The following TENM3 variants were observed in gnomAD, a reference collection of about 807,000 sequenced individuals.
TENM3 encodes the protein teneurin-3.
Under a neutral mutation model 255.1 loss-of-function variants are expected in TENM3, and 63 were observed. The ratio of observed to expected loss-of-function variants is 0.25; its 90% CI spans 0.20 to 0.30. The LOEUF is 0.30. Among genes scored for constraint, TENM3 ranks in the 10% least tolerant of loss-of-function variants. The pLI, the probability that TENM3 is intolerant of heterozygous loss-of-function variation, is 1.00. For synonymous variants in TENM3, 1,306 were observed against 1,322.3 expected, an observed-to-expected ratio of 0.99 and a Z score of 0.27; for missense variants, 2,929 against 3,461.1, an observed-to-expected ratio of 0.85 and a Z score of 3.86.
At chr4:182,654,615 G>T (rs1753603319) in intron 6 of TENM3, among the ~76,000 whole-genome samples, 1 of 152,014 alleles carries the variant, frequency 6.6e-6, no homozygotes, top group Non-Finnish European at 1.5e-5. Context: ...TCCTGATGAA[G>T]ACGCCTTTTT....
the TENM3 span, among the ~76,000 whole-genome samples, chr4:181,457,220 CTTAATAT>C: frequency 1.3e-5 from 2 of 151,688 alleles, no homozygotes; most frequent in African/African-American, 2.4e-5. Flanking sequence ...TTAATAATTT[CTTAATAT>C]TTAATAACAT....
At chr4:181,718,557 A>G in the TENM3 span, among the ~76,000 whole-genome samples, 1 of 152,346 alleles carries the variant, frequency 6.6e-6, no homozygotes, top group African/African-American at 2.4e-5. Context: ...GATGAAAGCC[A>G]GGATTTGAAT....
intron 5 of TENM3, among the ~76,000 whole-genome samples, chr4:182,633,645 C>T (rs1271391567): frequency 1.3e-5 from 2 of 152,312 alleles, no homozygotes; most frequent in South Asian, 2.1e-4. Context: ...CTGTGCCGGG[C>T]GCTGTTCTAG....
chr4:182,778,674 A>T (rs1764892650), intron 24 of TENM3, among the ~76,000 whole-genome samples: 1 of 152,192 alleles, frequency 6.6e-6, no homozygotes, highest in Non-Finnish European at 1.5e-5. Context: ...CAGAGGGAAG[A>T]TTATAGCTGC....
intron 13 of TENM3, among the ~76,000 whole-genome samples, chr4:182,715,252 G>A (rs1416253200): frequency 1.3e-5 from 2 of 152,186 alleles, no homozygotes; most frequent in Admixed American, 1.3e-4. Context: ...CCGGGCCTCT[G>A]TGGACACTTG....
the TENM3 span, among the ~76,000 whole-genome samples, chr4:181,860,761 A>G: frequency 6.6e-6 from 1 of 152,216 alleles, no homozygotes; most frequent in Non-Finnish European, 1.5e-5. Context: ...GCTGCTAATC[A>G]TTGGCTCCAA....
At chr4:181,794,133 C>A in the TENM3 span, among the ~76,000 whole-genome samples, 1 of 152,040 alleles carries the variant, frequency 6.6e-6, no homozygotes, top group Non-Finnish European at 1.5e-5. Context: ...ATTTTTCCCC[C>A]AGCTTTACTG....
rs1332851245 is a variant in TENM3 at position 182,755,196 on chromosome 4, A to C, written c.4829A>C (p.Tyr1610Ser). The C allele has an allele frequency of 6.2e-7, 1 of 1,612,706 alleles. No homozygotes were observed. Among genetic ancestry groups the C allele is most frequent in the Admixed American group, 1.7e-5 (1 of 60,010 alleles). ...AQGLELVLFT[Y>S]HGNSGLLATK... ...GGACTGGAATTAGTTTTGTTTACTTACCATGGCAATAGTGGCCTTTTAGCC... is the reference window on the plus strand; with the variant it reads ...GGACTGGAATTAGTTTTGTTTACTTCCCATGGCAATAGTGGCCTTTTAGCC... Residue 1610 changes from tyrosine (Y) to serine (S), a missense_variant, in exon 22 of 28, where the codon TAC (tyrosine) becomes TCC (serine). Tyr to Ser is a moderately radical substitution (Grantham distance 144). Around this residue, in one of 6 missense-constraint regions of TENM3, gnomAD observed 1,608 missense variants for 1,884.4 expected, o/e 0.85. Coordinates refer to ENST00000511685, the MANE Select transcript of TENM3 (RefSeq NM_001080477.4).
intron 1 of TENM3, among the ~76,000 whole-genome samples, chr4:182,282,092 T>C (rs1453565201): frequency 6.6e-6 from 1 of 152,184 alleles, no homozygotes; most frequent in Non-Finnish European, 1.5e-5. Flanking sequence ...TGTCCAGCAA[T>C]TAAGTGTTTA....
chr4:182,681,092 A>G (rs953633369), intron 10 of TENM3, among the ~76,000 whole-genome samples: 2 of 152,176 alleles, frequency 1.3e-5, no homozygotes, highest in African/African-American at 2.4e-5. Context: ...ATCTCTAGAA[A>G]GACAGAGTAG....
At position 182,674,612 on chromosome 4, in the gene TENM3, G is replaced by A. The variant is rs150870892; in HGVS notation, c.1326+1393G>A. ...TTTGTTTGAGACAGGGTCTCACTCC[G>A]TCTTCCAGGCTGGAGTGCAATGGCA... On this transcript the variant is annotated intron_variant, in intron 7 of 27. Transcript: ENST00000511685. Among the ~76,000 whole-genome samples, 1,009 of 152,186 alleles carry A rather than the reference G, an allele frequency of 6.6e-3. 9 individuals are homozygous for A. Among genetic ancestry groups the A allele is most frequent in the African/African-American group, 0.022 (908 of 41,528 alleles).
chr4:182,245,765 TG>T (rs1757597951), intron 1 of TENM3, among the ~76,000 whole-genome samples: 1 of 152,212 alleles, frequency 6.6e-6, no homozygotes, highest in Non-Finnish European at 1.5e-5. Flanking sequence ...AGGCTACTGT[TG>T]TGTCAATGCT....
chr4:182,432,090 A>G (rs963378474), intron 3 of TENM3, among the ~76,000 whole-genome samples: 2 of 151,742 alleles, frequency 1.3e-5, no homozygotes, highest in South Asian at 4.2e-4. Flanking sequence ...AAAAAAAAAA[A>G]GAAAGAAAGA....
the TENM3 span, among the ~76,000 whole-genome samples, chr4:181,577,196 A>ATT: frequency 1.6e-5 from 2 of 128,522 alleles, no homozygotes; most frequent in African/African-American, 5.8e-5. Flanking sequence ...TATTATATAT[A>ATT]TTATATATAT....
intron 5 of TENM3, among the ~76,000 whole-genome samples, chr4:182,636,738 GAAAA>G (rs1389116943): frequency 3.3e-5 from 3 of 92,092 alleles, no homozygotes; most frequent in Non-Finnish European, 6.7e-5. Flanking sequence ...AAGAAAGAAA[GAAAA>G]GAAAAGAATA....
intron 16 of TENM3, among the ~76,000 whole-genome samples, chr4:182,735,303 G>T (rs1285162160): frequency 6.6e-6 from 1 of 152,038 alleles, no homozygotes; most frequent in East Asian, 1.9e-4. Context: ...GTACCACATC[G>T]CGTCCCTCTT....
At chr4:181,488,201 T>A in the TENM3 span, among the ~76,000 whole-genome samples, 1 of 152,210 alleles carries the variant, frequency 6.6e-6, no homozygotes, top group Non-Finnish European at 1.5e-5. Context: ...GCATGTTGAT[T>A]TCAAGGACTG....
At chr4:181,480,900 G>A in the TENM3 span, among the ~76,000 whole-genome samples, 1 of 150,836 alleles carries the variant, frequency 6.6e-6, no homozygotes, top group East Asian at 1.9e-4. Context: ...AAGGTTGAAA[G>A]GTCTTGGCAG....
the TENM3 span, among the ~76,000 whole-genome samples, chr4:181,956,738 C>T: frequency 2.6e-5 from 4 of 152,218 alleles, no homozygotes; most frequent in South Asian, 2.1e-4. Context: ...AATGTCCCAG[C>T]CAAAAGAAAA....
Sources: allele counts gnomAD v4.1 joint callset (sites outside exome capture counted in the v4.1 genomes callset), GRCh38; gene constraint gnomAD v4.1.1; regional missense constraint gnomAD v4.1.1; transcripts MANE v1.5; gene names NCBI Gene and HGNC (gene_info 2026-07-23, HGNC 2026-07-21).